Variants in ANKS1B observed in about 807,000 individuals in gnomAD.
The protein encoded by ANKS1B is ankyrin repeat and sterile alpha motif domain containing 1B.
A neutral mutation model predicts 148.3 loss-of-function variants in ANKS1B; 36 were observed. The ratio of observed to expected loss-of-function variants is 0.24; its 90% CI spans 0.19 to 0.32. ANKS1B has a LOEUF of 0.32. Ranked by LOEUF, ANKS1B falls within the 10% of genes least tolerant of loss-of-function variation. The probability of loss-of-function intolerance (pLI) is 1.00; values close to 1 mark genes in which losing one functional copy is unlikely to be tolerated. For synonymous variants in ANKS1B, 542 were observed against 560.8 expected (o/e 0.97, Z 0.47); for missense variants, 1,157 against 1,542.6 (o/e 0.75, Z 4.19).
At chr12:98,772,380 CGCA>C (rs1172408866) in intron 25 of ANKS1B, among the ~76,000 whole-genome samples, 1 of 152,122 alleles carries the variant, frequency 6.6e-6, no homozygotes, top group Non-Finnish European at 1.5e-5. Flanking sequence ...ACAGCAAGTA[CGCA>C]GCTGTATTAG....
chr12:99,044,123 T>C (rs939897393), intron 17 of ANKS1B, among the ~76,000 whole-genome samples: 1 of 152,236 alleles, frequency 6.6e-6, no homozygotes, highest in African/African-American at 2.4e-5. Context: ...CTATACTATA[T>C]AATAATCTAC....
chr12:99,117,834 G>C (rs983570782), intron 15 of ANKS1B, among the ~76,000 whole-genome samples: 10 of 152,130 alleles, frequency 6.6e-5, no homozygotes, highest in Admixed American at 3.9e-4. Context: ...TCCTGGGCTT[G>C]TGTTGGTTGC....
intron 1 of ANKS1B, among the ~76,000 whole-genome samples, chr12:99,908,441 G>A (rs969887165): frequency 1.3e-5 from 2 of 152,160 alleles, no homozygotes; most frequent in East Asian, 1.9e-4. Context: ...TTAGCCAGGC[G>A]TGGTGATGTG....
chr12:99,919,792 A>C (rs924390463), intron 1 of ANKS1B, among the ~76,000 whole-genome samples: 3 of 149,886 alleles, frequency 2.0e-5, no homozygotes, highest in Non-Finnish European at 3.0e-5. Context: ...AAAAAAAAAA[A>C]AACCTGGATT....
chr12:99,695,468 T>C (rs1163347337), intron 8 of ANKS1B, among the ~76,000 whole-genome samples: 1 of 152,178 alleles, frequency 6.6e-6, no homozygotes, highest in African/African-American at 2.4e-5. Flanking sequence ...GAAAAATCCA[T>C]TAAACTACAT....
At chr12:99,378,669 A>G (rs1348036435) in intron 12 of ANKS1B, among the ~76,000 whole-genome samples, 19 of 133,916 alleles carry the variant, frequency 1.4e-4, no homozygotes, top group Admixed American at 6.4e-4. Context: ...AAAAAAAAAA[A>G]AAAAGAAAAA....
At chr12:99,834,648 T>C (rs2084540949) in intron 1 of ANKS1B, among the ~76,000 whole-genome samples, 2 of 152,192 alleles carry the variant, frequency 1.3e-5, no homozygotes, top group African/African-American at 4.8e-5. Context: ...CCTGAGTTTC[T>C]TAGGCCAATA....
chr12:99,084,420 A>G (rs556817997), intron 16 of ANKS1B, among the ~76,000 whole-genome samples: 8 of 152,224 alleles, frequency 5.3e-5, no homozygotes, highest in African/African-American at 1.9e-4. Flanking sequence ...ACATTTTTCT[A>G]GGTAAATCTC....
At chr12:99,374,137 T>A (rs188262671) in intron 12 of ANKS1B, among the ~76,000 whole-genome samples, 3 of 152,306 alleles carry the variant, frequency 2.0e-5, no homozygotes, top group African/African-American at 7.2e-5. Context: ...AACTAGAATT[T>A]GACACATGAT....
At chr12:99,084,244 A>G (rs1046572994) in intron 16 of ANKS1B, among the ~76,000 whole-genome samples, 1 of 152,162 alleles carries the variant, frequency 6.6e-6, no homozygotes, top group African/African-American at 2.4e-5. Flanking sequence ...ATGGGGCAGG[A>G]GGCTTTTAAG....
chr12:98,782,219 A>G, intron 22 of ANKS1B, 82 bp from the exon 23 acceptor site: 1 of 1,167,950 alleles, frequency 8.6e-7, no homozygotes, highest in Non-Finnish European at 1.3e-6. Context: ...AAACCATTTC[A>G]ATAATTCACC....
chr12:99,855,069 T>C (rs1022129828), intron 1 of ANKS1B, among the ~76,000 whole-genome samples: 7 of 152,052 alleles, frequency 4.6e-5, no homozygotes, highest in Non-Finnish European at 8.8e-5. Context: ...TAACATTGAA[T>C]GTAAGTGGCC....
chr12:99,649,338 A>G (rs778580469), intron 9 of ANKS1B: 1 of 1,614,182 alleles, frequency 6.2e-7, no homozygotes, highest in Non-Finnish European at 8.5e-7. Flanking sequence ...GAATCAGTAG[A>G]CTTCACATGA....
intron 12 of ANKS1B, among the ~76,000 whole-genome samples, chr12:99,393,138 A>C (rs1027354808): frequency 6.6e-6 from 1 of 152,166 alleles, no homozygotes; most frequent in Non-Finnish European, 1.5e-5. Context: ...AGACAGATAG[A>C]TCTACCTTTA....
intron 4 of ANKS1B, among the ~76,000 whole-genome samples, chr12:99,806,017 A>C (rs1009964351): frequency 6.6e-6 from 1 of 152,234 alleles, no homozygotes; most frequent in Non-Finnish European, 1.5e-5. Flanking sequence ...AAATGTGTCA[A>C]CATGCTAAAC....
rs1195806822 is a variant in ANKS1B at position 99,052,597 on chromosome 12, G to A, written c.2778+560C>T. On this transcript the variant is annotated intron_variant, in intron 17 of 26. Coordinates refer to ENST00000683438, the MANE Select transcript of ANKS1B (RefSeq NM_001352186.2). ...CAAAAAATTAGCCGGGCGCGGTGGCGGGCGCCTGTAGTCCCAGCTACTCGG... is the reference window on the plus strand; with the variant it reads ...CAAAAAATTAGCCGGGCGCGGTGGCAGGCGCCTGTAGTCCCAGCTACTCGG... Among the ~76,000 whole-genome samples, 5 of 148,654 alleles carry A rather than the reference G, an allele frequency of 3.4e-5. 1 individual carries two copies. The highest frequency in any genetic ancestry group is 4.5e-4 in the South Asian group (2 of 4,466).
At chr12:99,505,801 C>A (rs780466904) in intron 9 of ANKS1B, among the ~76,000 whole-genome samples, 17 of 151,866 alleles carry the variant, frequency 1.1e-4, no homozygotes, top group Non-Finnish European at 2.1e-4. Context: ...AGATCCTCCT[C>A]AGCTTTACAA....
chr12:98,808,360 T>C (rs886196704), intron 19 of ANKS1B, among the ~76,000 whole-genome samples: 12 of 152,204 alleles, frequency 7.9e-5, no homozygotes, highest in African/African-American at 2.7e-4. Context: ...TGCAATAAAA[T>C]GACTTTTCCT....
intron 8 of ANKS1B, among the ~76,000 whole-genome samples, chr12:99,732,114 T>C (rs1397502063): frequency 6.6e-6 from 1 of 152,170 alleles, no homozygotes. Flanking sequence ...GATTGCACTA[T>C]TTACCTATTA....
Sources: gnomAD v4.1 joint callset for allele counts (sites outside exome capture counted in the v4.1 genomes callset) on GRCh38, gnomAD v4.1.1 for gene constraint, MANE v1.5 for transcripts, NCBI Gene and HGNC (gene_info 2026-07-23, HGNC 2026-07-21) for gene names.